Variants in NVL observed in about 807,000 individuals in gnomAD.
The protein encoded by NVL is nuclear valosin-containing protein-like.
In NVL, 84 loss-of-function variants were observed where a neutral mutation model predicts 110.2. That is an observed-to-expected ratio of 0.76 (90% confidence interval 0.64 to 0.91). The LOEUF (loss-of-function observed/expected upper bound fraction) is 0.91, where lower values mean the gene tolerates loss of function less well. Ranked by LOEUF, NVL falls within the 40% of genes least tolerant of loss-of-function variation. The pLI is 0.00. For synonymous variants in NVL, 354 were observed against 361.1 expected (o/e 0.98, Z 0.22); for missense variants, 882 against 1,035.9 (o/e 0.85, Z 2.04).
intron 2 of NVL, among the ~76,000 whole-genome samples, chr1:224,325,967 T>C (rs1455231238): frequency 1.3e-5 from 2 of 151,846 alleles, no homozygotes. Flanking sequence ...TTGTATATTT[T>C]TTGTACAGAT....
intron 18 of NVL, among the ~76,000 whole-genome samples, chr1:224,258,845 T>G (rs933409451): frequency 6.6e-6 from 1 of 151,982 alleles, no homozygotes; most frequent in Admixed American, 6.6e-5. Flanking sequence ...CAAATTTATA[T>G]AGACAGAAAG....
intron 11 of NVL, 135 bp from the exon 12 acceptor site, chr1:224,294,546 T>A: frequency 3.8e-6 from 3 of 793,136 alleles, no homozygotes; most frequent in Non-Finnish European, 4.0e-6. Flanking sequence ...CCAACATTTA[T>A]TAAATGTCAA....
intron 4 of NVL, among the ~76,000 whole-genome samples, chr1:224,313,313 GA>G (rs538649947): frequency 3.5e-4 from 46 of 131,466 alleles, no homozygotes; most frequent in East Asian, 2.0e-3. Context: ...CCTAAAAAAA[GA>G]AAAAAAAAAT....
At chr1:224,238,656 C>CT (rs929001810) in intron 19 of NVL, among the ~76,000 whole-genome samples, 2 of 152,232 alleles carry the variant, frequency 1.3e-5, no homozygotes, top group African/African-American at 2.4e-5. Context: ...GCTTTTTTCT[C>CT]TAAGTAATAA....
At position 224,281,284 on chromosome 1, in the gene NVL, C is replaced by CGTGTGT. The variant is rs34156240; in HGVS notation, c.1900-105_1900-100dup. ...TGTGACAATGAAAGGACTCTGTGTGCGTGTGTGTGTGTGTGTGTGTGTGTG... is the reference window on the plus strand; with the variant it reads ...TGTGACAATGAAAGGACTCTGTGTGCGTGTGTGTGTGTGTGTGTGTGTGTGTGTGTG... On this transcript the variant is annotated intron_variant, in intron 15 of 22. Coordinates refer to ENST00000281701, the MANE Select transcript of NVL (RefSeq NM_002533.4). 3,858 of 552,404 alleles carry CGTGTGT rather than the reference C, an allele frequency of 7.0e-3. 15 individuals carry two copies. The highest frequency in any genetic ancestry group is 0.018 in the South Asian group (847 of 47,448). The allele number at this position is 552,404 out of a possible 1,614,324, so 34.2% of individuals were successfully genotyped here.
intron 15 of NVL, among the ~76,000 whole-genome samples, chr1:224,283,819 C>T (rs1432905284): frequency 6.6e-6 from 1 of 152,158 alleles, no homozygotes; most frequent in Non-Finnish European, 1.5e-5. Context: ...CTGTGTTGTT[C>T]TCTTCTACCT....
intron 2 of NVL, among the ~76,000 whole-genome samples, chr1:224,321,194 G>T (rs959482194): frequency 6.6e-6 from 1 of 152,198 alleles, no homozygotes; most frequent in African/African-American, 2.4e-5. Context: ...GCAGTGAGCC[G>T]AGATTGAGCC....
chr1:224,287,795 C>A lies in NVL; in HGVS notation c.1774G>T (p.Glu592Ter). ...DIGALEDIRE[E>*]LTMAILAPVR... ...CCTACCAATATTGCCATGGTGAGCT[C>A]CTCTCTAATGTCTTCCAGGGCACCA... The change falls in exon 14 of 23, where the codon GAG (glutamate) becomes TAG (stop). Residue 592 changes from glutamate (E) to a stop codon, truncating the protein, a stop_gained. Coordinates refer to ENST00000281701, the MANE Select transcript of NVL (RefSeq NM_002533.4). LOFTEE classifies it high-confidence loss of function. 1 of 1,614,082 alleles carries A rather than the reference C, an allele frequency of 6.2e-7. No individual in the cohort carries two copies. The highest frequency in any genetic ancestry group is 8.5e-7 in the Non-Finnish European group (1 of 1,179,980).
intron 5 of NVL, among the ~76,000 whole-genome samples, chr1:224,311,198 C>A (rs1669485389): frequency 6.6e-6 from 1 of 151,750 alleles, no homozygotes; most frequent in African/African-American, 2.4e-5. Context: ...GCTGGGACCA[C>A]AGGTGCAAGC....
chr1:224,305,192 G>A, intron 6 of NVL, 26 bp from the exon 7 acceptor site: 1 of 1,585,118 alleles, frequency 6.3e-7, no homozygotes, highest in Non-Finnish European at 8.5e-7. Flanking sequence ...ATTTAAATAT[G>A]CCATGCTTAA....
intron 18 of NVL, among the ~76,000 whole-genome samples, chr1:224,261,173 C>T (rs1189698493): frequency 6.6e-6 from 1 of 152,002 alleles, no homozygotes; most frequent in Non-Finnish European, 1.5e-5. Flanking sequence ...TGCACCTGGC[C>T]TAATTTTTAT....
intron 1 of NVL, among the ~76,000 whole-genome samples, 154 bp from the exon 2 acceptor site, chr1:224,326,618 T>A (rs1671170192): frequency 6.6e-6 from 1 of 152,178 alleles, no homozygotes; most frequent in African/African-American, 2.4e-5. Flanking sequence ...ACCAAATAAT[T>A]GTCAAATATG....
rs915702982 is a variant in NVL, at chr1:224,250,396, G to T, written c.2183-78C>A. On this transcript the variant is annotated intron_variant, in intron 18 of 22. Coordinates refer to ENST00000281701, the MANE Select transcript of NVL (RefSeq NM_002533.4). ...TTTTATTTTTTTGAGAGAGGGTCTT[G>T]TTCCATCTCCCAGGCTGGAGTGCAG... 11 of 1,299,198 alleles carry T rather than the reference G, an allele frequency of 8.5e-6. No individual in the cohort carries two copies. In the East Asian group the frequency reaches 3.1e-4, roughly 36 times the overall value. The allele number at this position is 1,299,198 out of a possible 1,614,324, so 80.5% of individuals were successfully genotyped here.
At chr1:224,317,664 T>C in intron 4 of NVL, 30 bp downstream of exon 4, 1 of 1,328,712 alleles carries the variant, frequency 7.5e-7, no homozygotes, top group East Asian at 2.3e-5. Flanking sequence ...AGTTCATGGT[T>C]TAAAAAAACC....
At chr1:224,293,765 T>C (rs1307502083) in intron 12 of NVL, among the ~76,000 whole-genome samples, 1 of 152,170 alleles carries the variant, frequency 6.6e-6, no homozygotes, top group African/African-American at 2.4e-5. Context: ...CATTACTACT[T>C]CTGAAAAAAC....
chr1:224,311,555 G>A (rs1669527066), intron 5 of NVL, among the ~76,000 whole-genome samples: 1 of 151,884 alleles, frequency 6.6e-6, no homozygotes, highest in South Asian at 2.1e-4. Context: ...TTTTTGTAGA[G>A]ACAAGGTTTC....
chr1:224,323,232 T>C (rs912596188), intron 2 of NVL, among the ~76,000 whole-genome samples: 1 of 152,188 alleles, frequency 6.6e-6, no homozygotes, highest in Non-Finnish European at 1.5e-5. Context: ...TTCACTCACA[T>C]TTCCAAGCAA....
rs1668631611 is a variant in NVL, at chr1:224,303,652, C to T, written c.960+71G>A. The T allele has an allele frequency of 1.6e-5, 24 of 1,529,534 alleles. No individual in the cohort carries two copies. In the South Asian group the frequency reaches 2.9e-4, roughly 18 times the overall value. The allele number at this position is 1,529,534 out of a possible 1,614,324, so 94.7% of individuals were successfully genotyped here. A position where few individuals can be genotyped will look rare whatever the true frequency, so the allele number is the denominator to read the frequency against. ...AATGCCATGTCTGGTTTAAGTTGAC[C>T]AAAGAGAAAAAACAAAAACAAATAA... On this transcript the variant is annotated intron_variant, in intron 9 of 22. Coordinates refer to ENST00000281701, the MANE Select transcript of NVL (RefSeq NM_002533.4).
intron 2 of NVL, among the ~76,000 whole-genome samples, chr1:224,319,469 G>A (rs1197900037): frequency 2.6e-5 from 4 of 151,582 alleles, no homozygotes; most frequent in South Asian, 2.1e-4. Flanking sequence ...CACCACACCC[G>A]GCTATTTTTT....
Sources: allele counts gnomAD v4.1 joint callset (sites outside exome capture counted in the v4.1 genomes callset), GRCh38; gene constraint gnomAD v4.1.1; transcripts MANE v1.5; gene names NCBI Gene and HGNC (gene_info 2026-07-23, HGNC 2026-07-21).